The following ABCB4 variants were observed in gnomAD, a reference collection of about 807,000 sequenced individuals.
ABCB4 encodes the protein ATP binding cassette subfamily B member 4, also known as phosphatidylcholine translocator ABCB4.
A neutral mutation model predicts 145.7 loss-of-function variants in ABCB4; 76 were observed. That is an observed-to-expected ratio of 0.52 (90% CI 0.43 to 0.63). ABCB4 has a LOEUF of 0.63. Ranked by LOEUF, ABCB4 falls within the 30% of genes least tolerant of loss-of-function variation. The pLI is 0.00. For synonymous variants in ABCB4, 517 were observed against 566.8 expected (o/e 0.91, Z 1.25); for missense variants, 1,234 against 1,553.1 (o/e 0.79, Z 3.45).
At chr7:87,422,673 C>T (rs1562961871) in intron 17 of ABCB4, among the ~76,000 whole-genome samples, 1 of 152,144 alleles carries the variant, frequency 6.6e-6, no homozygotes, top group Non-Finnish European at 1.5e-5. Flanking sequence ...CCTGTGACTC[C>T]TCCCTGTCCC....
chr7:87,435,345 C>A (rs1810539960), intron 14 of ABCB4, among the ~76,000 whole-genome samples: 1 of 152,220 alleles, frequency 6.6e-6, no homozygotes, highest in African/African-American at 2.4e-5. Context: ...AAACACTTTG[C>A]AGCTTCTCCT....
At chr7:87,423,772 G>A (rs1165401652) in intron 17 of ABCB4, 134 bp downstream of exon 17, 2 of 1,045,392 alleles carry the variant, frequency 1.9e-6, no homozygotes, top group African/African-American at 3.1e-5. Context: ...TTTCTCAAAA[G>A]GGATTTAAGG....
chr7:87,417,532 A>C lies in ABCB4; in HGVS notation c.2479-17T>G. The stretch of plus-strand genomic sequence containing the variant: ...TCCTGTGGCCTGGGAGAGAAAAAGC[A>C]CAAAGCAACTGTAGTTTTAAGCTCC... On this transcript the variant is annotated splice_polypyrimidine_tract_variant and intron_variant, in intron 20 of 27. Transcript: ENST00000649586. 6.2e-7 allele frequency: 1 copy of C among 1,610,994 alleles called. No individual in the cohort carries two copies. Among genetic ancestry groups the C allele is most frequent in the African/African-American group, 1.3e-5 (1 of 74,978 alleles).
chr7:87,391,453 T>TG, the ABCB4 span: 3 of 773,156 alleles, frequency 3.9e-6, no homozygotes, highest in Non-Finnish European at 5.8e-6. Flanking sequence ...AGGCTCTTTT[T>TG]TGTTGAAAGT....
chr7:87,398,443 A>G, downstream of ABCB4: 2 of 1,516,624 alleles, frequency 1.3e-6, no homozygotes, highest in South Asian at 1.1e-5. Context: ...GAATATCCAG[A>G]TGAAATAAAG....
chr7:87,448,442 TG>T (rs888676969), intron 8 of ABCB4, among the ~76,000 whole-genome samples: 1 of 152,212 alleles, frequency 6.6e-6, no homozygotes, highest in Non-Finnish European at 1.5e-5. Flanking sequence ...TTCCTCTGGT[TG>T]GGGGCTGCAT....
chr7:87,388,470 C>T, the ABCB4 span, among the ~76,000 whole-genome samples: 1 of 152,096 alleles, frequency 6.6e-6, no homozygotes, highest in African/African-American at 2.4e-5. Flanking sequence ...GAAATAACAC[C>T]ACACATCTAC....
chr7:87,391,531 G>A, the ABCB4 span: 1 of 1,506,834 alleles, frequency 6.6e-7, no homozygotes, highest in Non-Finnish European at 8.9e-7. Flanking sequence ...AACTATATCT[G>A]TAATGATATT....
chr7:87,442,230 G>A (rs780835896), intron 12 of ABCB4, among the ~76,000 whole-genome samples: 2 of 151,882 alleles, frequency 1.3e-5, no homozygotes, highest in Non-Finnish European at 2.9e-5. Context: ...AAATGAGAAT[G>A]GGCCTATGTT....
chr7:87,464,533 C>G (rs777129367), intron 3 of ABCB4, among the ~76,000 whole-genome samples: 3 of 152,170 alleles, frequency 2.0e-5, no homozygotes, highest in African/African-American at 7.2e-5. Flanking sequence ...CATTAAAAAG[C>G]ATTTTAAATG....
At chr7:87,413,549 C>CT in intron 22 of ABCB4, 68 bp downstream of exon 22, 1 of 1,041,432 alleles carries the variant, frequency 9.6e-7, no homozygotes, top group Non-Finnish European at 1.5e-6. Context: ...CTTTTATTAT[C>CT]TTTTTGGGAC....
At chr7:87,384,137 C>A in the ABCB4 span, among the ~76,000 whole-genome samples, 1 of 152,094 alleles carries the variant, frequency 6.6e-6, no homozygotes, top group Non-Finnish European at 1.5e-5. Flanking sequence ...GAGGTGATGT[C>A]TCATTGTAGT....
chr7:87,425,243 C>A (rs1450604693), intron 16 of ABCB4, among the ~76,000 whole-genome samples: 2 of 152,122 alleles, frequency 1.3e-5, no homozygotes, highest in South Asian at 4.1e-4. Context: ...TTTCCTGCCT[C>A]CCCCTCTTCT....
the ABCB4 span, among the ~76,000 whole-genome samples, chr7:87,366,242 A>G: frequency 2.1e-3 from 322 of 150,170 alleles, 2 homozygotes; most frequent in African/African-American, 7.5e-3. Context: ...GCAAGGGGGA[A>G]TTTTTTTTTT....
chr7:87,454,999 T>C (rs1270875785), intron 4 of ABCB4, among the ~76,000 whole-genome samples: 1 of 152,208 alleles, frequency 6.6e-6, no homozygotes, highest in East Asian at 1.9e-4. Flanking sequence ...AGAGGCATTT[T>C]TTTTTTTTGG....
At chr7:87,407,457 G>A (rs1420682054) in intron 25 of ABCB4, among the ~76,000 whole-genome samples, 2 of 152,158 alleles carry the variant, frequency 1.3e-5, no homozygotes, top group Non-Finnish European at 2.9e-5. Context: ...AGGCTCCCAG[G>A]GCTCTGTCAT....
At chr7:87,423,741 CT>C in intron 17 of ABCB4, 164 bp downstream of exon 17, 1 of 772,510 alleles carries the variant, frequency 1.3e-6, no homozygotes, top group South Asian at 1.6e-5. Flanking sequence ...TCAAAGGCTA[CT>C]TATCTTTTCC....
At chr7:87,450,790 G>A (rs1419541021) in intron 7 of ABCB4, among the ~76,000 whole-genome samples, 1 of 152,114 alleles carries the variant, frequency 6.6e-6, no homozygotes, top group Non-Finnish European at 1.5e-5. Context: ...GCATTCTGCT[G>A]AATAATAAGA....
chr7:87,380,736 T>A, the ABCB4 span, among the ~76,000 whole-genome samples: 29 of 152,314 alleles, frequency 1.9e-4, no homozygotes, highest in South Asian at 6.0e-3. Flanking sequence ...CAAAGAGACA[T>A]CCTTCACTCT....
Sources: gnomAD v4.1 joint callset for allele counts (sites outside exome capture counted in the v4.1 genomes callset) on GRCh38, gnomAD v4.1.1 for gene constraint, MANE v1.5 for transcripts, NCBI Gene and HGNC (gene_info 2026-07-23, HGNC 2026-07-21) for gene names.